Variants in WIPI1 observed in about 807,000 individuals in gnomAD.
WIPI1 encodes the protein WD repeat domain, phosphoinositide interacting 1.
In WIPI1, 45 loss-of-function variants were observed where a neutral mutation model predicts 55.3. The ratio of observed to expected loss-of-function variants is 0.81; its 90% CI spans 0.64 to 1.04. WIPI1 has a LOEUF of 1.04. Among genes scored for constraint, WIPI1 ranks in the 50% least tolerant of loss-of-function variants. WIPI1 has a pLI of 0.00. For synonymous variants in WIPI1, 195 were observed against 217.6 expected (o/e 0.90, Z 0.92); for missense variants, 445 against 559.0 (o/e 0.80, Z 2.06).
At chr17:68,425,249 G>A (rs563679427) in intron 12 of WIPI1, among the ~76,000 whole-genome samples, 2 of 152,308 alleles carry the variant, frequency 1.3e-5, no homozygotes, top group South Asian at 2.1e-4. Context: ...TTTCACCTAG[G>A]CTGGAGTGCA....
At chr17:68,422,889 T>C (rs902547616) in intron 12 of WIPI1, among the ~76,000 whole-genome samples, 5 of 152,174 alleles carry the variant, frequency 3.3e-5, no homozygotes, top group African/African-American at 7.2e-5. Flanking sequence ...CTCCCGAATG[T>C]AGCAGCTTTC....
chr17:68,433,760 GTTTTTTTTTTTTTTTTTTTTTTTT>G (rs556777098), intron 7 of WIPI1, among the ~76,000 whole-genome samples, 185 bp from the exon 8 acceptor site: 2 of 72,814 alleles, frequency 2.7e-5, no homozygotes, highest in African/African-American at 6.6e-5. Flanking sequence ...AAGGGTCATA[GTTTTTTTTTTTTTTTTTTTTTTTT>G]TTTTTTTTTT....
chr17:68,443,892 G>A (rs2084179180), intron 4 of WIPI1, among the ~76,000 whole-genome samples: 2 of 152,200 alleles, frequency 1.3e-5, no homozygotes, highest in Non-Finnish European at 2.9e-5. Context: ...CTAGCTTGAT[G>A]AATTCATATA....
chr17:68,436,305 G>T, intron 5 of WIPI1, 77 bp downstream of exon 5: 1 of 1,350,240 alleles, frequency 7.4e-7, no homozygotes, highest in Non-Finnish European at 1.1e-6. Flanking sequence ...CGACGGCAGG[G>T]CGTCCTTATC....
intron 3 of WIPI1, among the ~76,000 whole-genome samples, chr17:68,446,523 T>G (rs865962457): frequency 6.6e-6 from 1 of 152,170 alleles, no homozygotes; most frequent in Non-Finnish European, 1.5e-5. Flanking sequence ...GGTCTGAGAC[T>G]GGGGACTGAG....
intron 10 of WIPI1, 76 bp from the exon 11 acceptor site, chr17:68,427,329 C>T (rs1350690354): frequency 9.0e-7 from 1 of 1,109,862 alleles, no homozygotes; most frequent in Non-Finnish European, 1.4e-6. Context: ...AAAGGAAAAG[C>T]ATGAAGAAGC....
intron 4 of WIPI1, among the ~76,000 whole-genome samples, chr17:68,438,067 A>C (rs2147906768): frequency 6.6e-6 from 1 of 152,270 alleles, no homozygotes; most frequent in Non-Finnish European, 1.5e-5. Flanking sequence ...TACCTCAACT[A>C]ATCTGCTGAG....
In WIPI1 at chr17:68,437,931, AAG is replaced by A. The variant is rs376829802; in HGVS notation, c.431-1454_431-1453del. 2.6e-3 allele frequency among the ~76,000 whole-genome samples: 358 copies of A among 135,784 alleles called. 6 individuals are homozygous for A. The highest frequency in any genetic ancestry group is 9.4e-3 in the African/African-American group (340 of 36,316). The allele number at this position is 135,784 out of a possible 152,430, so 89.1% of individuals were successfully genotyped here. On this transcript the variant is annotated intron_variant, in intron 4 of 12. Transcript: ENST00000262139. ...GTTACCAGAAACTTTGAGATCACGC[AAG>A]AGAGACATCTCTCTTAAAAAAAAAA...
intron 3 of WIPI1, among the ~76,000 whole-genome samples, chr17:68,448,857 G>A (rs2084386614): frequency 6.6e-6 from 1 of 152,164 alleles, no homozygotes; most frequent in South Asian, 2.1e-4. Flanking sequence ...CCTTCAATCA[G>A]AAAACTCTCA....
chr17:68,437,860 T>C (rs1307174331), intron 4 of WIPI1, among the ~76,000 whole-genome samples: 2 of 144,652 alleles, frequency 1.4e-5, no homozygotes, highest in Non-Finnish European at 1.5e-5. Context: ...TGAATAGAGG[T>C]GCACATGATA....
rs774904223 is a variant in WIPI1 at position 68,428,857 on chromosome 17, C to T, written c.1045G>A (p.Gly349Arg). 5.6e-5 allele frequency: 91 copies of T among 1,613,956 alleles called. No individual in the cohort carries two copies. The highest frequency in any genetic ancestry group is 7.5e-5 in the Non-Finnish European group (89 of 1,179,964). ...TGGGTTTTGATTAAGACACACTCTC[C>T]TCCATCCTGAGGATCCAAATTGTAC... ...YMYNLDPQDG[G>R]ECVLIKTHSL... is the part of the protein sequence containing the mutation. Residue 349 changes from glycine (G) to arginine (R), a missense_variant, in exon 10 of 13, where the codon GGA (glycine) becomes AGA (arginine). Coordinates refer to ENST00000262139, the MANE Select transcript of WIPI1 (RefSeq NM_017983.7).
chr17:68,445,328 C>T (rs545719020), intron 3 of WIPI1, among the ~76,000 whole-genome samples: 1 of 152,318 alleles, frequency 6.6e-6, no homozygotes, highest in Non-Finnish European at 1.5e-5. Flanking sequence ...GTGTTTATAG[C>T]ACAGGTCTCC....
In WIPI1 at chr17:68,433,454, C is replaced by T. The variant is rs753038501; in HGVS notation, c.800+14G>A. The T allele has an allele frequency of 2.2e-5, 36 of 1,611,266 alleles. No homozygotes were observed. Among genetic ancestry groups the T allele is most frequent in the African/African-American group, 2.7e-5 (2 of 74,742 alleles). On this transcript the variant is annotated intron_variant, in intron 8 of 12. Coordinates refer to ENST00000262139, the MANE Select transcript of WIPI1 (RefSeq NM_017983.7). The stretch of plus-strand genomic sequence containing the variant: ...TTCGTTTAATGAGCATTTGGTGCCC[C>T]GCGGAGTACTTGCCTGTTGGTGACC...
At chr17:68,436,165 T>G (rs563864132) in intron 5 of WIPI1, among the ~76,000 whole-genome samples, 1 of 152,368 alleles carries the variant, frequency 6.6e-6, no homozygotes, top group East Asian at 1.9e-4. Flanking sequence ...TTCATTATGC[T>G]GCAGATGTCT....
At chr17:68,455,694 A>T (rs55785206) in intron 1 of WIPI1, among the ~76,000 whole-genome samples, 37,635 of 152,138 alleles carry the variant, frequency 0.25, 4,981 homozygotes, top group Non-Finnish European at 0.28. Flanking sequence ...AAGGAAATTA[A>T]CTTTCAAAGC....
At chr17:68,435,084 G>T (rs974239783) in intron 6 of WIPI1, among the ~76,000 whole-genome samples, 1 of 152,044 alleles carries the variant, frequency 6.6e-6, no homozygotes, top group Non-Finnish European at 1.5e-5. Flanking sequence ...GCATGTGCCT[G>T]TAATCTCAGC....
At chr17:68,443,956 C>A (rs2084182079) in intron 4 of WIPI1, among the ~76,000 whole-genome samples, 1 of 152,138 alleles carries the variant, frequency 6.6e-6, no homozygotes, top group Non-Finnish European at 1.5e-5. Context: ...TTCTTATACA[C>A]CAGGAATGTA....
At chr17:68,437,947 TTA>T (rs1491376316) in intron 4 of WIPI1, among the ~76,000 whole-genome samples, 3 of 58,810 alleles carry the variant, frequency 5.1e-5, no homozygotes, top group Non-Finnish European at 6.3e-5. Flanking sequence ...GACATCTCTC[TTA>T]AAAAAAAAAA....
chr17:68,441,263 A>G (rs2084064529), intron 4 of WIPI1, among the ~76,000 whole-genome samples: 1 of 152,250 alleles, frequency 6.6e-6, no homozygotes, highest in African/African-American at 2.4e-5. Flanking sequence ...ACACAACAGG[A>G]ACGGGCATGA....
Sources: gnomAD v4.1 joint callset for allele counts (sites outside exome capture counted in the v4.1 genomes callset) on GRCh38, gnomAD v4.1.1 for gene constraint, MANE v1.5 for transcripts, NCBI Gene and HGNC (gene_info 2026-07-23, HGNC 2026-07-21) for gene names.